Variants in ZNF415 observed in about 807,000 individuals in gnomAD.
ZNF415 encodes the protein zinc finger protein 415.
In ZNF415, 5 loss-of-function variants were observed where a neutral mutation model predicts 7.3. The ratio of observed to expected loss-of-function variants is 0.69; its 90% confidence interval spans 0.36 to 1.44. The LOEUF is 1.44. Ranked by LOEUF, ZNF415 falls within the 40% of genes most tolerant of loss-of-function variation. The probability of loss-of-function intolerance (pLI) is 0.04; values close to 1 mark genes in which losing one functional copy is unlikely to be tolerated. For synonymous variants in ZNF415, 207 were observed against 226.3 expected (o/e 0.91, Z 0.77); for missense variants, 628 against 664.8 (o/e 0.94, Z 0.61).
intron 1 of ZNF415, 42 bp from the exon 2 acceptor site, chr19:53,122,785 C>A: frequency 6.8e-7 from 1 of 1,459,938 alleles, no homozygotes; most frequent in Middle Eastern, 1.7e-4. Context: ...TTAGAAACAA[C>A]ACACCCCCTC....
At chr19:53,124,982 G>C (rs572516774) in intron 1 of ZNF415, among the ~76,000 whole-genome samples, 6 of 152,232 alleles carry the variant, frequency 3.9e-5, no homozygotes, top group African/African-American at 1.4e-4. Flanking sequence ...ATGTCTGGGA[G>C]AAACAAATGA....
intron 2 of ZNF415, among the ~76,000 whole-genome samples, chr19:53,121,372 G>A (rs1276254112): frequency 7.5e-5 from 11 of 146,646 alleles, no homozygotes; most frequent in African/African-American, 2.8e-4. Context: ...GCGACAGACT[G>A]AGACTCCGTC....
At chr19:53,119,073 G>T (rs755590490) in intron 2 of ZNF415, among the ~76,000 whole-genome samples, 4 of 152,126 alleles carry the variant, frequency 2.6e-5, no homozygotes, top group Admixed American at 6.6e-5. Flanking sequence ...GAGGTCAGGA[G>T]ATCAAGACCA....
At chr19:53,115,656 A>G (rs1258533917) in intron 3 of ZNF415, 1 of 1,403,896 alleles carries the variant, frequency 7.1e-7, no homozygotes, top group Admixed American at 2.0e-5. Flanking sequence ...AGAGTTTCCA[A>G]ACATAGTGTA....
At chr19:53,124,656 G>A (rs1434855733) in intron 1 of ZNF415, among the ~76,000 whole-genome samples, 1 of 152,174 alleles carries the variant, frequency 6.6e-6, no homozygotes, top group Non-Finnish European at 1.5e-5. Flanking sequence ...AGGGTTAGTA[G>A]CAGCCAGGAG....
chr19:53,120,917 C>T (rs1040539111), intron 2 of ZNF415, among the ~76,000 whole-genome samples: 2 of 151,424 alleles, frequency 1.3e-5, no homozygotes, highest in African/African-American at 4.9e-5. Flanking sequence ...AACCCCGTCT[C>T]TACTAAAAAT....
chr19:53,128,959 A>C (rs2089661415), intron 1 of ZNF415, among the ~76,000 whole-genome samples: 1 of 148,170 alleles, frequency 6.7e-6, no homozygotes, highest in Admixed American at 6.8e-5. Context: ...ATCCACGCAG[A>C]AGAGTGTCCG....
At position 53,108,593 on chromosome 19, in the gene ZNF415, A is replaced by G; in HGVS notation, c.1452T>C (p.Thr484=). ...GKGFSVHSSL[T]THQVIHTGEK... ...CTCCAGTATGGATGACCTGATGGGT[A>G]GTTAGGCTTGAATGCACACTGAAGC... The change falls in exon 4 of 4, where the codon ACT becomes ACC. Residue 484 remains threonine, a synonymous_variant. Transcript: ENST00000243643. 1 of 1,614,134 alleles carries G rather than the reference A, an allele frequency of 6.2e-7. No individual in the cohort carries two copies. The highest frequency in any genetic ancestry group is 1.1e-5 in the South Asian group (1 of 91,088).
intron 3 of ZNF415, among the ~76,000 whole-genome samples, chr19:53,113,086 T>TAA (rs71185833): frequency 0.12 from 16,785 of 142,180 alleles, 1,360 homozygotes; most frequent in African/African-American, 0.23. Flanking sequence ...AACTCCATCT[T>TAA]AAAAAAAAAA....
chr19:53,108,570 C>A lies in ZNF415; in HGVS notation c.1475G>T (p.Gly492Val). The A allele has an allele frequency of 6.2e-7, 1 of 1,614,102 alleles. No individual in the cohort carries two copies. The highest frequency in any genetic ancestry group is 1.3e-5 in the African/African-American group (1 of 75,036). Residue 492 changes from glycine to valine, a missense_variant, in exon 4 of 4, where the codon GGA (glycine) becomes GTA (valine). Gly to Val is a moderately radical substitution (Grantham distance 109). Transcript: ENST00000243643. ...SLTTHQVIHTGEKPYKCNECG... is the reference protein window; with the variant it reads ...SLTTHQVIHTVEKPYKCNECG... ...CTCATTACATTTGTAAGGTTTTTCT[C>A]CAGTATGGATGACCTGATGGGTAGT...
At chr19:53,128,158 C>A (rs1285186898) in intron 1 of ZNF415, among the ~76,000 whole-genome samples, 1 of 152,042 alleles carries the variant, frequency 6.6e-6, no homozygotes, top group Admixed American at 6.6e-5. Context: ...CTCTTCCATG[C>A]ATGAAGAGCA....
At chr19:53,119,638 A>G (rs943482248) in intron 2 of ZNF415, among the ~76,000 whole-genome samples, 1 of 151,820 alleles carries the variant, frequency 6.6e-6, no homozygotes, top group African/African-American at 2.4e-5. Flanking sequence ...GTTATTTTTA[A>G]AAAAGATAAT....
chr19:53,121,975 G>A lies in ZNF415; in HGVS notation c.15+687C>T, dbSNP rs144691634. On this transcript the variant is annotated intron_variant, in intron 2 of 3. Transcript: ENST00000243643. The stretch of plus-strand genomic sequence containing the variant: ...TAACACCTGACTTTAGGCCAGGCAC[G>A]GTGTCTCATGCCTGTAATCCCAGCA... Among the ~76,000 whole-genome samples, 401 of 152,024 alleles carry A rather than the reference G, an allele frequency of 2.6e-3. 1 individual carries two copies. The highest frequency in any genetic ancestry group is 9.1e-3 in the African/African-American group (376 of 41,476).
In ZNF415 at chr19:53,108,921, T is replaced by C; in HGVS notation, c.1124A>G (p.Gln375Arg). 1 of 1,614,128 alleles carries C rather than the reference T, an allele frequency of 6.2e-7. No homozygotes were observed. Among genetic ancestry groups the C allele is most frequent in the Non-Finnish European group, 8.5e-7 (1 of 1,179,990 alleles). ...FSQTSSLATH[Q>R]RIHTGEKPYK... is the part of the protein sequence containing the mutation. ...TGGTTTCTCCCCAGTGTGAATTCTC[T>C]GATGAGTTGCAAGGCTTGAAGTCTG... Residue 375 changes from glutamine to arginine, a missense_variant, in exon 4 of 4, where the codon CAG (glutamine) becomes CGG (arginine). By Grantham distance (43) the Gln-to-Arg change is conservative (BLOSUM62 1). Coordinates refer to ENST00000243643, the MANE Select transcript of ZNF415 (RefSeq NM_018355.4).
At chr19:53,116,124 T>A in intron 3 of ZNF415, 189 bp downstream of exon 3, 1 of 689,836 alleles carries the variant, frequency 1.4e-6, no homozygotes, top group Non-Finnish European at 2.4e-6. Flanking sequence ...TGTTGTATCA[T>A]GAAGGGGTCA....
At chr19:53,127,298 T>C (rs2089309029) in intron 1 of ZNF415, among the ~76,000 whole-genome samples, 1 of 152,064 alleles carries the variant, frequency 6.6e-6, no homozygotes, top group Non-Finnish European at 1.5e-5. Context: ...AGATAGTCCA[T>C]AAAGGTCAGG....
At chr19:53,120,979 G>C (rs1320484490) in intron 2 of ZNF415, among the ~76,000 whole-genome samples, 1 of 150,988 alleles carries the variant, frequency 6.6e-6, no homozygotes, top group Non-Finnish European at 1.5e-5. Flanking sequence ...AGCTAGTCAG[G>C]AGGCTGAGGC....
intron 2 of ZNF415, among the ~76,000 whole-genome samples, chr19:53,121,552 T>C (rs982703632): frequency 3.2e-4 from 48 of 151,978 alleles, no homozygotes; most frequent in Non-Finnish European, 6.3e-4. Flanking sequence ...CTCAGCCTCC[T>C]GAGTAGTTGG....
At position 53,109,061 on chromosome 19, in the gene ZNF415, G is replaced by T; in HGVS notation, c.984C>A (p.Tyr328Ter). Residue 328 changes from tyrosine (Y) to a stop codon, truncating the protein, a stop_gained, in exon 4 of 4, where the codon TAC becomes TAA. Coordinates refer to ENST00000243643, the MANE Select transcript of ZNF415 (RefSeq NM_018355.4). LOFTEE classifies it low-confidence loss of function (END_TRUNC). ...HQKTHIGEKP[Y>*]TCKECGKAFS... ...AGGCTTTGCCACACTCTTTACATGT[G>T]TAAGGTTTCTCTCCAATATGAGTTT... 2 of 1,612,390 alleles carry T rather than the reference G, an allele frequency of 1.2e-6. No individual in the cohort carries two copies. The highest frequency in any genetic ancestry group is 8.5e-7 in the Non-Finnish European group (1 of 1,178,588).
Sources: allele counts gnomAD v4.1 joint callset (sites outside exome capture counted in the v4.1 genomes callset), GRCh38; gene constraint gnomAD v4.1.1; transcripts MANE v1.5; gene names NCBI Gene and HGNC (gene_info 2026-07-23, HGNC 2026-07-21).